Variants in A2M observed in about 807,000 individuals in gnomAD.
A2M encodes the protein C3 and PZP-like alpha-2-macroglobulin domain-containing protein 5.
A neutral mutation model predicts 183.9 loss-of-function variants in A2M; 128 were observed. The ratio of observed to expected loss-of-function variants is 0.70; its 90% CI spans 0.60 to 0.81. A2M has a LOEUF of 0.81. Among genes scored for constraint, A2M ranks in the 30% least tolerant of loss-of-function variants. A2M has a pLI of 0.00. For missense variants in A2M, 1,495 were observed against 1,787.6 expected, an observed-to-expected ratio of 0.84 and a Z score of 2.95; for synonymous variants, 592 against 670.8, an observed-to-expected ratio of 0.88 and a Z score of 1.81.
chr12:9,109,209 C>G, intron 7 of A2M, 112 bp downstream of exon 7: 1 of 725,768 alleles, frequency 1.4e-6, no homozygotes, highest in South Asian at 1.8e-5. Flanking sequence ...GCTGTCAAAG[C>G]ACTTAAAATT....
intron 22 of A2M, among the ~76,000 whole-genome samples, chr12:9,080,665 A>G (rs1400103471): frequency 1.3e-5 from 2 of 152,232 alleles, no homozygotes; most frequent in African/African-American, 4.8e-5. Context: ...CAAAGATAGT[A>G]TTTTTATGGA....
At chr12:9,085,707 A>G (rs979792332) in intron 22 of A2M, among the ~76,000 whole-genome samples, 3 of 152,062 alleles carry the variant, frequency 2.0e-5, no homozygotes, top group Admixed American at 6.6e-5. Flanking sequence ...CAAAAGATCA[A>G]TGAAACTGAA....
At chr12:9,106,643 A>G in intron 8 of A2M, 38 bp from the exon 9 acceptor site, 1 of 1,071,928 alleles carries the variant, frequency 9.3e-7, no homozygotes, top group Non-Finnish European at 1.4e-6. Flanking sequence ...AATATAATGC[A>G]TATTATACTA....
intron 29 of A2M, among the ~76,000 whole-genome samples, chr12:9,073,627 C>T (rs1378562300): frequency 6.6e-6 from 1 of 151,946 alleles, no homozygotes; most frequent in Non-Finnish European, 1.5e-5. Context: ...ACATTTTTTC[C>T]GTTTTAGGGT....
chr12:9,071,711 G>C (rs1474057198), intron 31 of A2M, among the ~76,000 whole-genome samples: 3 of 152,088 alleles, frequency 2.0e-5, no homozygotes, highest in African/African-American at 7.2e-5. Context: ...TTCCATTCCT[G>C]TGCTAGTTTG....
At chr12:9,094,360 T>TATATATATATATATATAC (rs1212524195) in intron 17 of A2M, among the ~76,000 whole-genome samples, 2 of 144,372 alleles carry the variant, frequency 1.4e-5, no homozygotes, top group African/African-American at 5.1e-5. Context: ...TATATATATA[T>TATATATATATATATATAC]ATATATATAT....
intron 1 of A2M, 26 bp downstream of exon 1, chr12:9,115,738 C>G: frequency 6.3e-7 from 1 of 1,575,720 alleles, no homozygotes; most frequent in Non-Finnish European, 8.7e-7. Flanking sequence ...TAGGTTCATG[C>G]TTCACGCTCT....
intron 20 of A2M, 22 bp downstream of exon 20, chr12:9,090,334 T>C: frequency 1.2e-6 from 2 of 1,613,946 alleles, no homozygotes; most frequent in Non-Finnish European, 1.7e-6. Context: ...TAGAGAATTA[T>C]CTCTAGCAGT....
At chr12:9,082,893 T>C (rs777347995) in intron 22 of A2M, among the ~76,000 whole-genome samples, 140 of 152,352 alleles carry the variant, frequency 9.2e-4, no homozygotes, top group African/African-American at 3.3e-3. Context: ...TGTGCATGTG[T>C]CTTTATAGCA....
chr12:9,091,455 A>G (rs1310781113), intron 18 of A2M, 26 bp from the exon 19 acceptor site: 2 of 1,612,096 alleles, frequency 1.2e-6, no homozygotes, highest in Non-Finnish European at 1.7e-6. Flanking sequence ...AGTGAAGAAC[A>G]GAAAGTAAGC....
intron 4 of A2M, among the ~76,000 whole-genome samples, chr12:9,111,790 G>A (rs749597764): frequency 1.3e-5 from 2 of 152,270 alleles, no homozygotes; most frequent in Non-Finnish European, 2.9e-5. Context: ...TTCCTTTATA[G>A]TGAAGATTTT....
intron 22 of A2M, among the ~76,000 whole-genome samples, chr12:9,081,413 G>A (rs7965790): frequency 2.0e-5 from 3 of 151,970 alleles, no homozygotes; most frequent in East Asian, 1.9e-4. Context: ...GAGGATTTTC[G>A]TTTTGTAGTT....
Position 9,110,378 on chromosome 12 carries a change from A to G in A2M, c.484-44T>C, listed in dbSNP as rs75059486. 8.1e-4 allele frequency: 1,013 copies of G among 1,243,246 alleles called. 3 individuals carry two copies. Among genetic ancestry groups the G allele is most frequent in the East Asian group, 8.0e-3 (301 of 37,700 alleles). The allele number at this position is 1,243,246 out of a possible 1,614,324, so 77.0% of individuals were successfully genotyped here. On this transcript the variant is annotated intron_variant, in intron 4 of 35. Coordinates refer to ENST00000318602, the MANE Select transcript of A2M (RefSeq NM_000014.6). ...AAGAAGTTTATAATTATTTTCAAATATTCTTAAATCTCATTTATAAGCAAA... is the reference window on the plus strand; with the variant it reads ...AAGAAGTTTATAATTATTTTCAAATGTTCTTAAATCTCATTTATAAGCAAA...
intron 17 of A2M, among the ~76,000 whole-genome samples, chr12:9,094,358 T>TATATATATATAC (rs1253613053): frequency 6.9e-6 from 1 of 143,988 alleles, no homozygotes; most frequent in Admixed American, 6.9e-5. Context: ...TATATATATA[T>TATATATATATAC]ATATATATAT....
chr12:9,072,832 C>T lies in A2M; in HGVS notation c.3796G>A (p.Ala1266Thr), dbSNP rs773049170. The part of the protein sequence containing the change: ...VALHALSKYG[A>T]ATFTRTGKAA... ...TTCCCAGTCCTGGTAAATGTGGCTG[C>T]TCCATATTTGGACAGAGCATGGAGA... Residue 1266 changes from alanine to threonine, a missense_variant, in exon 30 of 36, where the codon GCA becomes ACA. Transcript: ENST00000318602. 9.3e-6 allele frequency: 15 copies of T among 1,613,956 alleles called. No individual in the cohort carries two copies. The highest frequency in any genetic ancestry group is 1.3e-5 in the Non-Finnish European group (15 of 1,179,978).
chr12:9,068,227 GA>G lies in A2M; in HGVS notation c.4367-4del, dbSNP rs369199005. ...GTACTCAGCAATTGCAAACTCATCT[GA>G]AAAAAAAAAAACCAACAAAAAACCA... is the stretch of plus-strand genomic sequence containing the variant. On this transcript the variant is annotated splice_polypyrimidine_tract_variant and splice_region_variant and intron_variant, in intron 34 of 35. Coordinates refer to ENST00000318602, the MANE Select transcript of A2M (RefSeq NM_000014.6). The G allele has an allele frequency of 5.9e-3, 7,345 of 1,251,894 alleles. 3 individuals carry two copies. Among genetic ancestry groups the G allele is most frequent in the African/African-American group, 0.016 (1,008 of 63,002 alleles). 77.5% of individuals were successfully genotyped at this position (1,251,894 alleles called of 1,614,324 possible).
chr12:9,111,814 A>G (rs1270699366), intron 4 of A2M, among the ~76,000 whole-genome samples: 2 of 152,202 alleles, frequency 1.3e-5, no homozygotes, highest in Non-Finnish European at 2.9e-5. Context: ...AGATGTGTAT[A>G]GAAAAAATCT....
intron 22 of A2M, among the ~76,000 whole-genome samples, chr12:9,087,045 C>T (rs1025980825): frequency 5.3e-5 from 8 of 151,784 alleles, no homozygotes; most frequent in Non-Finnish European, 1.2e-4. Flanking sequence ...TAGCTATAAA[C>T]AATATGTAGA....
Position 9,079,810 on chromosome 12 carries a change from T to C in A2M, c.2860A>G (p.Ile954Val), listed in dbSNP as rs368831189. 221 of 1,604,592 alleles carry C rather than the reference T, an allele frequency of 1.4e-4. No individual in the cohort carries two copies. Among genetic ancestry groups the C allele is most frequent in the Non-Finnish European group, 1.7e-4 (203 of 1,175,722 alleles). Reference protein sequence around the residue: ...ARASVSVLGDILGSAMQNTQN... With the variant: ...ARASVSVLGDVLGSAMQNTQN... ...GTGTTTTGCATGGCAGAGCCTAATA[T>C]GTCTCCTAGAGAATGGGAGAGATGG... The change falls in exon 24 of 36, where the codon ATA (isoleucine) becomes GTA (valine). Residue 954 changes from isoleucine to valine, a missense_variant. Ile to Val is a conservative substitution (Grantham distance 29). Transcript: ENST00000318602.
Sources: allele counts gnomAD v4.1 joint callset (sites outside exome capture counted in the v4.1 genomes callset), GRCh38; gene constraint gnomAD v4.1.1; transcripts MANE v1.5; gene names NCBI Gene and HGNC (gene_info 2026-07-23, HGNC 2026-07-21).